TICAM1: variants seen among roughly 807,000 people sequenced by gnomAD.
TICAM1 encodes TIR domain-containing adapter molecule 1.
For synonymous variants in TICAM1, 439 were observed against 415.4 expected, an observed-to-expected ratio of 1.06 and a Z score of -0.69; for missense variants, 895 against 938.2, an observed-to-expected ratio of 0.95 and a Z score of 0.60.
In TICAM1 at chr19:4,818,366, T is replaced by G; in HGVS notation, c.12A>C (p.Thr4=). 1.9e-6 allele frequency: 3 copies of G among 1,599,684 alleles called. No individual in the cohort carries two copies. The highest frequency in any genetic ancestry group is 2.6e-6 in the Non-Finnish European group (3 of 1,172,984). MAC[T]GPSLPSAFDI... is the part of the protein sequence containing the mutation. ...CGAAGGCGCTAGGAAGTGATGGGCCTGTGCAGGCCATGGGCACAGGTGGGT... is the reference window on the plus strand; with the variant it reads ...CGAAGGCGCTAGGAAGTGATGGGCCGGTGCAGGCCATGGGCACAGGTGGGT... Residue 4 remains threonine (T), a synonymous_variant, in exon 2 of 2, where the codon ACA becomes ACC. Transcript: ENST00000248244. This position sits in a 1 kb window ranked among gnomAD's most constrained non-coding sequence, Gnocchi z 4.0.
At position 4,818,306 on chromosome 19, in the gene TICAM1, C is replaced by G; in HGVS notation, c.72G>C (p.Leu24Phe). 1 of 1,612,736 alleles carries G rather than the reference C, an allele frequency of 6.2e-7. No homozygotes were observed. The highest frequency in any genetic ancestry group is 8.5e-7 in the Non-Finnish European group (1 of 1,179,970). Residue 24 changes from leucine to phenylalanine, a missense_variant, in exon 2 of 2, where the codon TTG (leucine) becomes TTC (phenylalanine). Transcript: ENST00000248244. This position sits in a 1 kb window ranked among gnomAD's most constrained non-coding sequence, Gnocchi z 4.0. ...ILGAAGQDKL[L>F]YLKHKLKTPR... Reference sequence around the variant, plus strand: ...GGGTCTTCAGTTTGTGCTTCAGATACAAGAGCTTGTCCTGGCCTGCTGCAC... The same window carrying G: ...GGGTCTTCAGTTTGTGCTTCAGATAGAAGAGCTTGTCCTGGCCTGCTGCAC...
intron 1 of TICAM1, among the ~76,000 whole-genome samples, chr19:4,822,429 G>C (rs529729059): frequency 6.6e-6 from 1 of 152,062 alleles, no homozygotes; most frequent in African/African-American, 2.4e-5. Context: ...TTTTTATAGA[G>C]ACGGGGTTTC....
Position 4,816,727 on chromosome 19 carries a change from C to G in TICAM1, c.1651G>C (p.Glu551Gln). ...TCACCGTCCAGGTGTTGGCTCTGTT[C>G]CCGCAGGGCTCGGGTGTCCTGTTCC... The part of the protein sequence containing the change: ...RKEQDTRALR[E>Q]QSQHLDGERM... Residue 551 changes from glutamate (E) to glutamine (Q), a missense_variant, in exon 2 of 2, where the codon GAA becomes CAA. Physicochemically the swap from Glu to Gln is conservative, Grantham distance 29. Transcript: ENST00000248244. The surrounding 1 kb of genome is among the most constrained non-coding windows in gnomAD (Gnocchi z 4.3). The G allele has an allele frequency of 6.2e-7, 1 of 1,614,016 alleles. No individual in the cohort carries two copies. The highest frequency in any genetic ancestry group is 8.5e-7 in the Non-Finnish European group (1 of 1,180,018).
In TICAM1 at chr19:4,818,135, G is replaced by T; in HGVS notation, c.243C>A (p.Asp81Glu). 6.2e-7 allele frequency: 1 copy of T among 1,609,376 alleles called. No individual in the cohort carries two copies. The change falls in exon 2 of 2, where the codon GAC becomes GAA. Residue 81 changes from aspartate to glutamate, a missense_variant. By Grantham distance (45) the Asp-to-Glu change is conservative (BLOSUM62 2). Coordinates refer to ENST00000248244, the MANE Select transcript of TICAM1 (RefSeq NM_182919.4). This position sits in a 1 kb window ranked among gnomAD's most constrained non-coding sequence, Gnocchi z 4.0. ...GGGGCTCCTCTGGGTCCTCGGTGCT[G>T]TCCACGCCAGCCCACTGGCGGGCCA... The part of the protein sequence containing the change: ...RLVARQWAGV[D>E]STEDPEEPPD...
At chr19:4,823,898 C>G (rs911065300) in intron 1 of TICAM1, among the ~76,000 whole-genome samples, 1 of 152,184 alleles carries the variant, frequency 6.6e-6, no homozygotes, top group Non-Finnish European at 1.5e-5. Context: ...TACTTGCAGT[C>G]TAGATCAGCC....
chr19:4,822,666 T>C (rs1168321671), intron 1 of TICAM1, among the ~76,000 whole-genome samples: 3 of 152,198 alleles, frequency 2.0e-5, no homozygotes, highest in Non-Finnish European at 4.4e-5. Flanking sequence ...GTCTACAAAG[T>C]GGAAAATATT....
chr19:4,821,707 C>T (rs1032847307), intron 1 of TICAM1, among the ~76,000 whole-genome samples: 19 of 150,984 alleles, frequency 1.3e-4, no homozygotes, highest in South Asian at 1.0e-3. Flanking sequence ...TGCAATGGCA[C>T]GATCTCGGCT....
intron 1 of TICAM1, among the ~76,000 whole-genome samples, chr19:4,820,963 G>A (rs762360192): frequency 1.5e-4 from 23 of 151,374 alleles, no homozygotes; most frequent in Middle Eastern, 3.2e-3. Flanking sequence ...AAGCTAAGGC[G>A]GACAGATCAT....
rs941490737 is a variant in TICAM1 at position 4,818,712 on chromosome 19, G to C, written c.-139-196C>G. On this transcript the variant is annotated intron_variant, in intron 1 of 1. Coordinates refer to ENST00000248244, the MANE Select transcript of TICAM1 (RefSeq NM_182919.4). This position sits in a 1 kb window ranked among gnomAD's most constrained non-coding sequence, Gnocchi z 4.0. The stretch of plus-strand genomic sequence containing the variant: ...GAGGCCAGTGTGGTGGCTCAGGCCT[G>C]TGATCTCAGCACTTTGGGAGGCTGA... Among the ~76,000 whole-genome samples, 4 of 152,204 alleles carry C rather than the reference G, an allele frequency of 2.6e-5. No homozygotes were observed. Among genetic ancestry groups the C allele is most frequent in the Non-Finnish European group, 5.9e-5 (4 of 68,040 alleles).
Position 4,817,859 on chromosome 19 carries a change from A to T in TICAM1, c.519T>A (p.Ser173=). 6.2e-7 allele frequency: 1 copy of T among 1,612,928 alleles called. No individual in the cohort carries two copies. The highest frequency in any genetic ancestry group is 8.5e-7 in the Non-Finnish European group (1 of 1,179,682). Reference sequence around the variant, plus strand: ...TGGGGCGTGGGAGGCTCCTGGTCCCAGAGGGCAAAGCCGAGGATGGTGGGA... The same window carrying T: ...TGGGGCGTGGGAGGCTCCTGGTCCCTGAGGGCAAAGCCGAGGATGGTGGGA... The part of the protein sequence containing the change: ...GCLPPSSALP[S]GTRSLPRPID... The change falls in exon 2 of 2, where the codon TCT becomes TCA. Residue 173 remains serine, a synonymous_variant. Coordinates refer to ENST00000248244, the MANE Select transcript of TICAM1 (RefSeq NM_182919.4). The surrounding 1 kb of genome is among the most constrained non-coding windows in gnomAD (Gnocchi z 4.7).
intron 1 of TICAM1, among the ~76,000 whole-genome samples, chr19:4,821,088 T>G (rs2093596674): frequency 6.7e-6 from 1 of 149,710 alleles, no homozygotes; most frequent in Admixed American, 6.7e-5. Context: ...CCCAGCTACT[T>G]GGGAGGCTGA....
In TICAM1 at chr19:4,816,700, G is replaced by A. The variant is rs139939816; in HGVS notation, c.1678C>T (p.Arg560Trp). ...GCGTTCAGTGCCGCCGCCTGCATCCGCTCACCGTCCAGGTGTTGGCTCTGT... is the reference window on the plus strand; with the variant it reads ...GCGTTCAGTGCCGCCGCCTGCATCCACTCACCGTCCAGGTGTTGGCTCTGT... ...REQSQHLDGE[R>W]MQAAALNAAY... The change falls in exon 2 of 2, where the codon CGG becomes TGG. Residue 560 changes from arginine (R) to tryptophan (W), a missense_variant. Transcript: ENST00000248244. The surrounding 1 kb of genome is among the most constrained non-coding windows in gnomAD (Gnocchi z 4.3). 9.2e-5 allele frequency: 149 copies of A among 1,614,078 alleles called. No homozygotes were observed. In the East Asian group the frequency reaches 2.8e-3, roughly 30 times the overall value.
Position 4,818,436 on chromosome 19 carries a change from A to C in TICAM1, c.-59T>G, listed in dbSNP as rs2093591763. On this transcript the variant is annotated 5_prime_UTR_variant, in exon 2 of 2. Coordinates refer to ENST00000248244, the MANE Select transcript of TICAM1 (RefSeq NM_182919.4). This position sits in a 1 kb window ranked among gnomAD's most constrained non-coding sequence, Gnocchi z 4.0. ...GCTGGAGGTGGTGAAGGCATGTTCC[A>C]CACTGCCCCCCGCCTTCTGCACGCC... The C allele has an allele frequency of 2.6e-6, 4 of 1,513,592 alleles. No homozygotes were observed. Among genetic ancestry groups the C allele is most frequent in the Non-Finnish European group, 3.5e-6 (4 of 1,132,930 alleles). The allele number at this position is 1,513,592 out of a possible 1,614,324, so 93.8% of individuals were successfully genotyped here.
Position 4,816,850 on chromosome 19 carries a change from G to T in TICAM1, c.1528C>A (p.Leu510Met), listed in dbSNP as rs754776028. 5.0e-6 allele frequency: 8 copies of T among 1,612,500 alleles called. No individual in the cohort carries two copies. In the Admixed American group the frequency reaches 1.2e-4, roughly 24 times the overall value. Residue 510 changes from leucine (L) to methionine (M), a missense_variant, in exon 2 of 2, where the codon CTG becomes ATG. Physicochemically the swap from Leu to Met is conservative, Grantham distance 15. Transcript: ENST00000248244. The surrounding 1 kb of genome is among the most constrained non-coding windows in gnomAD (Gnocchi z 4.3). ...SSDTASLLSG[L>M]VRLDEHSQIF... is the part of the protein sequence containing the mutation. ...TGGGAGTGTTCGTCCAGCCGCACCA[G>T]CCCGGAGAGCAGGCTGGCCGTGTCG...
chr19:4,820,740 C>T (rs574420096), intron 1 of TICAM1, among the ~76,000 whole-genome samples: 15 of 151,540 alleles, frequency 9.9e-5, no homozygotes, highest in Non-Finnish European at 1.6e-4. Flanking sequence ...AAAATTTAGC[C>T]GGGCATGGTG....
In TICAM1 at chr19:4,816,763, T is replaced by G; in HGVS notation, c.1615A>C (p.Met539Leu). ...KPHRLQARKA[M>L]WRKEQDTRAL... ...CGGGTGTCCTGTTCCTTCCTCCACA[T>G]GGCCTTTCGGGCCTGAAGCCTGTGG... The change falls in exon 2 of 2, where the codon ATG becomes CTG. Residue 539 changes from methionine to leucine, a missense_variant. Transcript: ENST00000248244. The surrounding 1 kb of genome is among the most constrained non-coding windows in gnomAD (Gnocchi z 4.3). 6.2e-7 allele frequency: 1 copy of G among 1,613,666 alleles called. No homozygotes were observed. The highest frequency in any genetic ancestry group is 8.5e-7 in the Non-Finnish European group (1 of 1,180,026).
In TICAM1 at chr19:4,818,151, T is replaced by C; in HGVS notation, c.227A>G (p.Gln76Arg). ...ADAVARLVARQWAGVDSTEDP... is the reference protein window; with the variant it reads ...ADAVARLVARRWAGVDSTEDP... Reference sequence around the variant, plus strand: ...CTCGGTGCTGTCCACGCCAGCCCACTGGCGGGCCACCAGCCGGGCCACCGC... The same window carrying C: ...CTCGGTGCTGTCCACGCCAGCCCACCGGCGGGCCACCAGCCGGGCCACCGC... Residue 76 changes from glutamine (Q) to arginine (R), a missense_variant, in exon 2 of 2, where the codon CAG (glutamine) becomes CGG (arginine). Transcript: ENST00000248244. The surrounding 1 kb of genome is among the most constrained non-coding windows in gnomAD (Gnocchi z 4.0). 6.2e-7 allele frequency: 1 copy of C among 1,609,558 alleles called. No homozygotes were observed. Among genetic ancestry groups the C allele is most frequent in the South Asian group, 1.1e-5 (1 of 91,024 alleles).
Position 4,825,153 on chromosome 19 carries a change from G to A in TICAM1, c.-140+6461C>T, listed in dbSNP as rs533787219. Reference sequence around the variant, plus strand: ...AAATTAGCCGGGTGTGGCAGTGTGCGCCTGTAATCCCAGCTGCTTGGGAGG... The same window carrying A: ...AAATTAGCCGGGTGTGGCAGTGTGCACCTGTAATCCCAGCTGCTTGGGAGG... On this transcript the variant is annotated intron_variant, in intron 1 of 1. Coordinates refer to ENST00000248244, the MANE Select transcript of TICAM1 (RefSeq NM_182919.4). Among the ~76,000 whole-genome samples the A allele has an allele frequency of 1.1e-4, 16 of 152,018 alleles. 1 individual carries two copies. The South Asian group carries it at 2.7e-3, about 26-fold the overall frequency.
chr19:4,821,848 T>TG (rs1273696559), intron 1 of TICAM1, among the ~76,000 whole-genome samples: 2 of 151,366 alleles, frequency 1.3e-5, no homozygotes, highest in Admixed American at 1.3e-4. Flanking sequence ...TTCTCCATGT[T>TG]GGTCAGGCTG....
Sources: gnomAD v4.1 joint callset for allele counts (sites outside exome capture counted in the v4.1 genomes callset) on GRCh38, gnomAD v4.1.1 for gene constraint, Gnocchi (gnomAD v3.1) non-coding constraint, MANE v1.5 for transcripts, NCBI Gene and HGNC (gene_info 2026-07-23, HGNC 2026-07-21) for gene names.